FBXO32: variants seen among roughly 807,000 people sequenced by gnomAD.
FBXO32 encodes F-box protein 32.
A neutral mutation model predicts 48.3 loss-of-function variants in FBXO32; 15 were observed. The observed-to-expected ratio is 0.31, with a 90% CI of 0.21 to 0.48. FBXO32 has a LOEUF of 0.48. FBXO32 is among the 20% of genes least tolerant of loss of function. The pLI is 0.99. For missense variants in FBXO32, 309 were observed against 432.7 expected (o/e 0.71, Z 2.54); for synonymous variants, 154 against 165.9 (o/e 0.93, Z 0.55).
chr8:123,519,327 G>A (rs1243753889), intron 4 of FBXO32, among the ~76,000 whole-genome samples: 1 of 152,178 alleles, frequency 6.6e-6, no homozygotes, highest in African/African-American at 2.4e-5. Context: ...ACTGAGGCAG[G>A]CGGATCACGA....
chr8:123,536,693 A>G (rs1446525733), intron 1 of FBXO32, among the ~76,000 whole-genome samples: 1 of 152,226 alleles, frequency 6.6e-6, no homozygotes, highest in Non-Finnish European at 1.5e-5. Flanking sequence ...TATAAATTCC[A>G]CATGTAGAGA....
intron 1 of FBXO32, among the ~76,000 whole-genome samples, chr8:123,536,081 A>G (rs1418058956): frequency 1.3e-5 from 2 of 152,206 alleles, no homozygotes; most frequent in Non-Finnish European, 1.5e-5. Context: ...TAGTATAAGT[A>G]TCTTGCTAAT....
At position 123,513,485 on chromosome 8, in the gene FBXO32, C is replaced by T; in HGVS notation, c.467-103G>A. 2.0e-6 allele frequency: 2 copies of T among 990,980 alleles called. No homozygotes were observed. Among genetic ancestry groups the T allele is most frequent in the East Asian group, 5.3e-5 (2 of 38,012 alleles). 61.4% of individuals were successfully genotyped at this position (990,980 alleles called of 1,614,324 possible). ...CTGTATTCCACTCATGTTACCCAGG[C>T]ACTGCCTCTGGGGATATGGTTTTCT... On this transcript the variant is annotated intron_variant, in intron 5 of 8. Transcript: ENST00000517956. This position sits in a 1 kb window ranked among gnomAD's most constrained non-coding sequence, Gnocchi z 4.3.
At chr8:123,504,881 C>T (rs1386364373) in intron 7 of FBXO32, 134 bp from the exon 8 acceptor site, 2 of 761,868 alleles carry the variant, frequency 2.6e-6, no homozygotes, top group East Asian at 2.9e-5. Flanking sequence ...GGAAGGAAAA[C>T]TGTCACTATA....
chr8:123,504,791 A>C, intron 7 of FBXO32, 44 bp from the exon 8 acceptor site: 1 of 1,592,234 alleles, frequency 6.3e-7, no homozygotes, highest in Middle Eastern at 1.7e-4. Flanking sequence ...AGAGTTTGTC[A>C]AGAAGATGGC....
At chr8:123,527,981 T>G (rs1443778241) in intron 4 of FBXO32, among the ~76,000 whole-genome samples, 2 of 152,228 alleles carry the variant, frequency 1.3e-5, no homozygotes, top group Admixed American at 6.5e-5. Context: ...AATGTCTCAG[T>G]GCACTTTGTT....
At chr8:123,504,854 C>G (rs1405975317) in intron 7 of FBXO32, 107 bp from the exon 8 acceptor site, 1 of 1,071,488 alleles carries the variant, frequency 9.3e-7, no homozygotes, top group Non-Finnish European at 1.4e-6. Flanking sequence ...CCCCTCTTTT[C>G]AGCTCTACAA....
At position 123,498,913 on chromosome 8, in the gene FBXO32, A is replaced by G. The variant is rs1816420107; in HGVS notation, c.*4460T>C. 6.6e-6 allele frequency: 1 copy of G among 152,234 alleles called. No homozygotes were observed. The highest frequency in any genetic ancestry group is 2.1e-4 in the South Asian group (1 of 4,836). The allele number at this position is 152,234 out of a possible 1,614,324, so 9.4% of individuals were successfully genotyped here. On this transcript the variant is annotated 3_prime_UTR_variant, in exon 9 of 9. Coordinates refer to ENST00000517956, the MANE Select transcript of FBXO32 (RefSeq NM_058229.4). Reference sequence around the variant, plus strand: ...TGGCTCCTTAACTTCTCCAGTAAGAATCAGGGACTTGAAATGGAAACGTTA... The same window carrying G: ...TGGCTCCTTAACTTCTCCAGTAAGAGTCAGGGACTTGAAATGGAAACGTTA...
chr8:123,523,169 G>T (rs925403394), intron 4 of FBXO32, among the ~76,000 whole-genome samples: 1 of 152,104 alleles, frequency 6.6e-6, no homozygotes, highest in Non-Finnish European at 1.5e-5. Flanking sequence ...ATACTCTTGG[G>T]AGCATCCCTC....
At position 123,540,859 on chromosome 8, in the gene FBXO32, A is replaced by G; in HGVS notation, c.116+40T>C. On this transcript the variant is annotated intron_variant, in intron 1 of 8. Transcript: ENST00000517956. The surrounding 1 kb of genome is among the most constrained non-coding windows in gnomAD (Gnocchi z 6.4). ...TGCGCCCCCCAGACCAGCCCGGGTC[A>G]GTTTCGCGGGGGCTGGAAGTTGGTA... 2 of 1,542,334 alleles carry G rather than the reference A, an allele frequency of 1.3e-6. No individual in the cohort carries two copies. Among genetic ancestry groups the G allele is most frequent in the Non-Finnish European group, 1.8e-6 (2 of 1,120,380 alleles).
At chr8:123,512,111 G>A (rs1243970373) in intron 6 of FBXO32, among the ~76,000 whole-genome samples, 6 of 152,170 alleles carry the variant, frequency 3.9e-5, no homozygotes, top group Non-Finnish European at 8.8e-5. Context: ...AAATACTTGA[G>A]ATCATTTCTG....
chr8:123,513,321 G>A lies in FBXO32; in HGVS notation c.528C>T (p.Ser176=), dbSNP rs1167739142. Residue 176 remains serine, a synonymous_variant, in exon 6 of 9, where the codon TCC becomes TCT. Coordinates refer to ENST00000517956, the MANE Select transcript of FBXO32 (RefSeq NM_058229.4). This position sits in a 1 kb window ranked among gnomAD's most constrained non-coding sequence, Gnocchi z 4.3. ...IRELLQTLYT[S]LCTLVQRVGK... ...CGACTCTTTGGACCAGTGTACATAA[G>A]GATGTGTAGAGGGTCTGGAGTAGTT... The A allele has an allele frequency of 6.2e-7, 1 of 1,614,224 alleles. No homozygotes were observed. The highest frequency in any genetic ancestry group is 8.5e-7 in the Non-Finnish European group (1 of 1,180,032).
intron 4 of FBXO32, among the ~76,000 whole-genome samples, chr8:123,519,110 C>T (rs748622505): frequency 2.0e-5 from 3 of 152,168 alleles, no homozygotes; most frequent in Admixed American, 6.5e-5. Flanking sequence ...CAGGCATGAG[C>T]CACTGTGCCT....
At position 123,499,675 on chromosome 8, in the gene FBXO32, C is replaced by G. The variant is rs954167336; in HGVS notation, c.*3698G>C. On this transcript the variant is annotated 3_prime_UTR_variant, in exon 9 of 9. Transcript: ENST00000517956. ...TGTATTGAATGCTAAGAATGATACA[C>G]TGTTGAACATCTCCTGAATGGTTTG... 1 of 152,162 alleles carries G rather than the reference C, an allele frequency of 6.6e-6. No individual in the cohort carries two copies. The highest frequency in any genetic ancestry group is 1.5e-5 in the Non-Finnish European group (1 of 68,032). The allele number at this position is 152,162 out of a possible 1,614,324, so 9.4% of individuals were successfully genotyped here. A position where few individuals can be genotyped will look rare whatever the true frequency, so the allele number is the denominator to read the frequency against.
intron 4 of FBXO32, among the ~76,000 whole-genome samples, chr8:123,521,999 G>C (rs989780743): frequency 1.3e-5 from 2 of 152,096 alleles, no homozygotes; most frequent in Admixed American, 1.3e-4. Flanking sequence ...CTTTGAGCTT[G>C]AACACTGACA....
chr8:123,525,726 C>T lies in FBXO32; in HGVS notation c.372+6172G>A, dbSNP rs981638395. Among the ~76,000 whole-genome samples the T allele has an allele frequency of 1.3e-5, 2 of 152,194 alleles. No individual in the cohort carries two copies. Among genetic ancestry groups the T allele is most frequent in the Admixed American group, 1.3e-4 (2 of 15,276 alleles). On this transcript the variant is annotated intron_variant, in intron 4 of 8. Transcript: ENST00000517956. The surrounding 1 kb of genome is among the most constrained non-coding windows in gnomAD (Gnocchi z 4.3). ...TCACCCAGTTCCCTGGCCTCTGCTT[C>T]CTCACCTCTAAAATGGGTTAACAAC...
At chr8:123,517,759 A>G (rs1401124951) in intron 4 of FBXO32, among the ~76,000 whole-genome samples, 2 of 152,228 alleles carry the variant, frequency 1.3e-5, no homozygotes, top group East Asian at 3.8e-4. Flanking sequence ...GGAAATAAAA[A>G]GACTACTTAC....
chr8:123,537,034 G>C (rs528113509), intron 1 of FBXO32, among the ~76,000 whole-genome samples: 1 of 152,194 alleles, frequency 6.6e-6, no homozygotes, highest in Non-Finnish European at 1.5e-5. Flanking sequence ...TTTAGATTCC[G>C]GAGGAAGGGC....
At position 123,500,184 on chromosome 8, in the gene FBXO32, T is replaced by G. The variant is rs879513895; in HGVS notation, c.*3189A>C. ...TGCTCTAGTGTGAGCACTCCTGAAC[T>G]TCACATATTCTCCTTGTCCCAAATG... On this transcript the variant is annotated 3_prime_UTR_variant, in exon 9 of 9. Coordinates refer to ENST00000517956, the MANE Select transcript of FBXO32 (RefSeq NM_058229.4). The G allele has an allele frequency of 2.0e-5, 3 of 152,178 alleles. No homozygotes were observed. Among genetic ancestry groups the G allele is most frequent in the Admixed American group, 2.0e-4 (3 of 15,274 alleles). 9.4% of individuals were successfully genotyped at this position (152,178 alleles called of 1,614,324 possible).
Sources: gnomAD v4.1 joint callset for allele counts (sites outside exome capture counted in the v4.1 genomes callset) on GRCh38, gnomAD v4.1.1 for gene constraint, Gnocchi (gnomAD v3.1) non-coding constraint, MANE v1.5 for transcripts, NCBI Gene and HGNC (gene_info 2026-07-23, HGNC 2026-07-21) for gene names.